KCNU1: variants seen among roughly 807,000 people sequenced by gnomAD.
KCNU1 encodes the protein potassium channel subfamily U member 1.
Under a neutral mutation model 126.8 loss-of-function variants are expected in KCNU1, and 93 were observed. The ratio of observed to expected loss-of-function variants is 0.73; its 90% CI spans 0.62 to 0.87. KCNU1 has a LOEUF of 0.87. Among genes scored for constraint, KCNU1 ranks in the 40% least tolerant of loss-of-function variants. The probability of loss-of-function intolerance (pLI) is 0.00; values close to 1 mark genes in which losing one functional copy is unlikely to be tolerated. For synonymous variants in KCNU1, 523 were observed against 494.2 expected, an observed-to-expected ratio of 1.06 and a Z score of -0.77; for missense variants, 1,330 against 1,367.1, an observed-to-expected ratio of 0.97 and a Z score of 0.43.
chr8:36,833,804 T>C (rs1287907843), intron 11 of KCNU1, 145 bp downstream of exon 11: 1 of 549,586 alleles, frequency 1.8e-6, no homozygotes, highest in Non-Finnish European at 3.3e-6. Context: ...AAAACAATTG[T>C]AAAGGAGGTG....
chr8:36,848,241 A>G (rs1805220307), intron 18 of KCNU1, among the ~76,000 whole-genome samples: 1 of 152,216 alleles, frequency 6.6e-6, no homozygotes, highest in Admixed American at 6.5e-5. Context: ...CCCATTCTAC[A>G]GATGTCTCTT....
chr8:36,867,144 T>A (rs1805940371), intron 19 of KCNU1, among the ~76,000 whole-genome samples: 1 of 152,084 alleles, frequency 6.6e-6, no homozygotes, highest in Non-Finnish European at 1.5e-5. Flanking sequence ...AGTTAATCAA[T>A]CAGAAGCCAA....
At chr8:36,902,265 A>G (rs1428043330) in intron 19 of KCNU1, among the ~76,000 whole-genome samples, 1 of 152,148 alleles carries the variant, frequency 6.6e-6, no homozygotes, top group Admixed American at 6.6e-5. Flanking sequence ...GACAGCTTGT[A>G]TACATATACC....
rs1234209730 is a variant in KCNU1 at position 36,894,739 on chromosome 8, A to T, written c.2010-10969A>T. 2.6e-5 allele frequency among the ~76,000 whole-genome samples: 4 copies of T among 152,148 alleles called. 1 individual carries two copies. Among genetic ancestry groups the T allele is most frequent in the Admixed American group, 2.6e-4 (4 of 15,272 alleles). On this transcript the variant is annotated intron_variant, in intron 19 of 26. Coordinates refer to ENST00000399881, the MANE Select transcript of KCNU1 (RefSeq NM_001031836.3). Reference sequence around the variant, plus strand: ...ATATATTCAAAGAAGTTGAGAAAATATTAATTCAGTATAATCTGAAGCGGA... The same window carrying T: ...ATATATTCAAAGAAGTTGAGAAAATTTTAATTCAGTATAATCTGAAGCGGA...
intron 19 of KCNU1, among the ~76,000 whole-genome samples, chr8:36,888,110 GA>G (rs1341211584): frequency 6.6e-6 from 1 of 151,882 alleles, no homozygotes; most frequent in African/African-American, 2.4e-5. Flanking sequence ...TTATAGAGGA[GA>G]AAAACCAAGT....
intron 18 of KCNU1, among the ~76,000 whole-genome samples, chr8:36,848,733 G>A (rs909113152): frequency 3.3e-5 from 5 of 152,086 alleles, no homozygotes; most frequent in Admixed American, 2.0e-4. Context: ...CTCTTGCATT[G>A]TTGCTAGACA....
rs1459224690 is a variant in KCNU1, at chr8:36,787,290, T to C, written c.196-16T>C. ...AGATCCAGCTCACATTGTCAATTTC[T>C]TTCTCTTGATTGTAGGAACTGTTCA... is the stretch of plus-strand genomic sequence containing the variant. On this transcript the variant is annotated splice_polypyrimidine_tract_variant and intron_variant, in intron 1 of 26. Coordinates refer to ENST00000399881, the MANE Select transcript of KCNU1 (RefSeq NM_001031836.3). The C allele has an allele frequency of 1.3e-6, 2 of 1,597,998 alleles. No individual in the cohort carries two copies.
intron 16 of KCNU1, among the ~76,000 whole-genome samples, chr8:36,844,851 TGAAG>T (rs1467268442): frequency 6.6e-6 from 1 of 152,074 alleles, no homozygotes; most frequent in Non-Finnish European, 1.5e-5. Context: ...ACATCTGAAT[TGAAG>T]GAAATAAAGG....
At chr8:36,809,895 A>AT (rs1324104991) in intron 7 of KCNU1, among the ~76,000 whole-genome samples, 10 of 152,040 alleles carry the variant, frequency 6.6e-5, no homozygotes, top group Admixed American at 6.6e-4. Flanking sequence ...TTTGTTTGCT[A>AT]TTTTTTGTCA....
intron 2 of KCNU1, among the ~76,000 whole-genome samples, chr8:36,789,953 T>G (rs1802846185): frequency 6.6e-6 from 1 of 152,148 alleles, no homozygotes; most frequent in East Asian, 1.9e-4. Flanking sequence ...AATGGCACAG[T>G]GTCTTAAGAT....
At chr8:36,910,787 G>T in intron 21 of KCNU1, 143 bp from the exon 22 acceptor site, 1 of 546,006 alleles carries the variant, frequency 1.8e-6, no homozygotes, top group South Asian at 3.0e-5. Flanking sequence ...CAGATATGAG[G>T]TAACTAAGTT....
Position 36,845,602 on chromosome 8 carries a change from C to A in KCNU1, c.1726C>A (p.Pro576Thr), listed in dbSNP as rs61744028. 8,681 of 1,608,120 alleles carry A rather than the reference C, an allele frequency of 5.4e-3. 45 individuals carry two copies. The highest frequency in any genetic ancestry group is 6.5e-3 in the Non-Finnish European group (7,619 of 1,174,806). Residue 576 changes from proline (P) to threonine (T), a missense_variant, in exon 17 of 27, where the codon CCA becomes ACA. Physicochemically the swap from Pro to Thr is conservative, Grantham distance 38. Coordinates refer to ENST00000399881, the MANE Select transcript of KCNU1 (RefSeq NM_001031836.3). ...CAGTGGTCTGATACTAAATCCACCT[C>A]CACAAGTGAGGATACGTAAGAACAC... ...GFCGLILNPP[P>T]QVRIRKNTLG...
At chr8:36,876,920 T>C (rs1806297332) in intron 19 of KCNU1, among the ~76,000 whole-genome samples, 1 of 152,096 alleles carries the variant, frequency 6.6e-6, no homozygotes, top group African/African-American at 2.4e-5. Context: ...ATGGGAGCAC[T>C]GAAGCAGAAA....
Position 36,934,045 on chromosome 8 carries a change from T to C in KCNU1, c.3044+1013T>C, listed in dbSNP as rs117116544. 3.7e-4 allele frequency among the ~76,000 whole-genome samples: 56 copies of C among 152,136 alleles called. No homozygotes were observed. In the East Asian group the frequency reaches 9.1e-3, roughly 25 times the overall value. On this transcript the variant is annotated intron_variant, in intron 26 of 26. Transcript: ENST00000399881. ...AAGAAAGATTGGAAATCCCAATGCA[T>C]TGAATAGTAGATGTACTCAGAGTTA...
chr8:36,905,685 A>T, intron 19 of KCNU1, 23 bp from the exon 20 acceptor site: 1 of 1,271,544 alleles, frequency 7.9e-7, no homozygotes, highest in Non-Finnish European at 1.2e-6. Flanking sequence ...GTCTCAAACT[A>T]ACTCTCCATT....
rs918885995 is a variant in KCNU1, at chr8:36,918,841, C to A, written c.2540C>A (p.Thr847Lys). The A allele has an allele frequency of 4.4e-6, 7 of 1,607,240 alleles. No homozygotes were observed. Among genetic ancestry groups the A allele is most frequent in the Non-Finnish European group, 6.0e-6 (7 of 1,173,966 alleles). ...TTTGCAGAGGAGACTCCAGGTTACA[C>A]AAATGGACATAATGAGAAATCAAAC... The part of the protein sequence containing the change: ...PSVSEETPGY[T>K]NGHNEKSNCR... The change falls in exon 23 of 27, where the codon ACA becomes AAA. Residue 847 changes from threonine to lysine, a missense_variant. Physicochemically the swap from Thr to Lys is moderately conservative, Grantham distance 78. This residue lies in a region of KCNU1 where 1,054 missense variants were observed against 1,053.9 expected (regional missense o/e 1.00). Transcript: ENST00000399881.
rs1802647848 is a variant in KCNU1 at position 36,784,604 on chromosome 8, T to G, written c.194T>G (p.Leu65Trp). 1 of 1,609,086 alleles carries G rather than the reference T, an allele frequency of 6.2e-7. No homozygotes were observed. Among genetic ancestry groups the G allele is most frequent in the Admixed American group, 1.7e-5 (1 of 59,566 alleles). The change falls in exon 1 of 27, where the codon TTG (leucine) becomes TGG (tryptophan). Residue 65 changes from leucine to tryptophan, a missense_variant and splice_region_variant. Transcript: ENST00000399881. Reference protein sequence around the residue: ...WQIIKGTGIILELFTSGTIAR... With the variant: ...WQIIKGTGIIWELFTSGTIAR... ...ATCATCAAGGGAACAGGAATTATCT[T>G]GGTCAGTTTCCTTGTTAGGGATCCC...
chr8:36,889,234 T>G, intron 19 of KCNU1: 1 of 534,526 alleles, frequency 1.9e-6, no homozygotes, highest in South Asian at 1.4e-5. Context: ...GTTGCTCTGC[T>G]GAACTACCGT....
chr8:36,831,952 G>A (rs971968486), intron 10 of KCNU1, among the ~76,000 whole-genome samples: 1 of 152,214 alleles, frequency 6.6e-6, no homozygotes, highest in African/African-American at 2.4e-5. Flanking sequence ...GTGTGAGGAA[G>A]GGATCCAGTT....
Sources: gnomAD v4.1 joint callset for allele counts (sites outside exome capture counted in the v4.1 genomes callset) on GRCh38, gnomAD v4.1.1 for gene constraint, gnomAD v4.1.1 regional missense constraint, MANE v1.5 for transcripts, NCBI Gene and HGNC (gene_info 2026-07-23, HGNC 2026-07-21) for gene names.